TENM2: variants seen among roughly 807,000 people sequenced by gnomAD.
TENM2 encodes teneurin transmembrane protein 2.
In TENM2, 52 loss-of-function variants were observed where a neutral mutation model predicts 245.2. The ratio of observed to expected loss-of-function variants is 0.21; its 90% CI spans 0.17 to 0.27. The LOEUF is 0.27. Ranked by LOEUF, TENM2 falls within the 10% of genes least tolerant of loss-of-function variation. TENM2 has a pLI of 1.00. For synonymous variants in TENM2, 1,363 were observed against 1,438.9 expected (o/e 0.95, Z 1.19); for missense variants, 3,046 against 3,666.8 (o/e 0.83, Z 4.37).
chr5:167,158,936 T>TC, the TENM2 span, among the ~76,000 whole-genome samples: 1 of 139,206 alleles, frequency 7.2e-6, no homozygotes, highest in African/African-American at 3.0e-5. Context: ...CTCTCTCTCC[T>TC]TCTTTCTTTC....
chr5:167,107,529 T>A, the TENM2 span, among the ~76,000 whole-genome samples: 10 of 152,154 alleles, frequency 6.6e-5, no homozygotes, highest in South Asian at 4.1e-4. Context: ...ATAAAATGGC[T>A]TTACAAAAAA....
chr5:167,562,426 T>G (rs1323988160), intron 2 of TENM2, among the ~76,000 whole-genome samples: 1 of 151,504 alleles, frequency 6.6e-6, no homozygotes, highest in African/African-American at 2.4e-5. Context: ...AGGAGGAAAA[T>G]GGATGGTTTC....
intron 4 of TENM2, among the ~76,000 whole-genome samples, chr5:167,967,793 T>A (rs1184007471): frequency 6.6e-6 from 1 of 152,152 alleles, no homozygotes; most frequent in Admixed American, 6.5e-5. Flanking sequence ...GCCAAATATT[T>A]CCATCTCTGT....
At chr5:167,554,922 T>C (rs1018412873) in intron 2 of TENM2, among the ~76,000 whole-genome samples, 21 of 152,038 alleles carry the variant, frequency 1.4e-4, no homozygotes, top group African/African-American at 4.8e-4. Context: ...GACAGATGCT[T>C]GGGGGGAGTG....
At chr5:168,223,348 T>G (rs927725314) in intron 23 of TENM2, among the ~76,000 whole-genome samples, 12 of 152,218 alleles carry the variant, frequency 7.9e-5, no homozygotes, top group African/African-American at 2.9e-4. Context: ...AGAAACTGTC[T>G]GTTACTGAGT....
the TENM2 span, among the ~76,000 whole-genome samples, chr5:166,983,995 C>A: frequency 6.6e-6 from 1 of 152,064 alleles, no homozygotes; most frequent in Admixed American, 6.6e-5. Context: ...AAGTATAGAA[C>A]CCAGCTTTCA....
intron 2 of TENM2, among the ~76,000 whole-genome samples, chr5:167,809,911 T>A (rs1766506890): frequency 6.6e-6 from 1 of 152,192 alleles, no homozygotes; most frequent in South Asian, 2.1e-4. Context: ...ACTAACAGCA[T>A]CTTGGTGCGC....
intron 5 of TENM2, among the ~76,000 whole-genome samples, chr5:168,003,477 C>T (rs1562039003): frequency 6.6e-6 from 1 of 152,014 alleles, no homozygotes; most frequent in Non-Finnish European, 1.5e-5. Flanking sequence ...TAATTAGAAG[C>T]ATTAACTAGC....
At chr5:167,615,609 G>A (rs922322913) in intron 2 of TENM2, among the ~76,000 whole-genome samples, 7 of 151,978 alleles carry the variant, frequency 4.6e-5, no homozygotes, top group South Asian at 2.1e-4. Context: ...ATTCAGAGGG[G>A]GACTTAGACC....
chr5:167,350,891 G>GGATATATATATGGGATA, intron 1 of TENM2, among the ~76,000 whole-genome samples: 1 of 29,612 alleles, frequency 3.4e-5, no homozygotes, highest in African/African-American at 9.7e-5. Context: ...TATATGGGAT[G>GGATATATATATGGGATA]TATACATATG....
At chr5:168,211,371 C>T (rs1385897158) in intron 19 of TENM2, among the ~76,000 whole-genome samples, 1 of 152,270 alleles carries the variant, frequency 6.6e-6, no homozygotes, top group East Asian at 1.9e-4. Context: ...CCTTCTACCA[C>T]CACACTCCCA....
chr5:167,858,048 A>T (rs1456270972), intron 2 of TENM2, among the ~76,000 whole-genome samples: 1 of 152,222 alleles, frequency 6.6e-6, no homozygotes, highest in Non-Finnish European at 1.5e-5. Flanking sequence ...GCTTTCTTTG[A>T]CTTCATCTAG....
At chr5:167,717,251 C>T (rs921646711) in intron 2 of TENM2, among the ~76,000 whole-genome samples, 1 of 152,122 alleles carries the variant, frequency 6.6e-6, no homozygotes, top group East Asian at 1.9e-4. Context: ...CTACCATGCC[C>T]GGCCAACTTT....
chr5:167,302,012 C>T (rs186409027), intron 1 of TENM2, among the ~76,000 whole-genome samples: 1 of 152,100 alleles, frequency 6.6e-6, no homozygotes, highest in African/African-American at 2.4e-5. Flanking sequence ...ATTAGAAAGA[C>T]TCACGACGCT....
intron 5 of TENM2, among the ~76,000 whole-genome samples, chr5:168,023,667 G>A (rs1052293852): frequency 1.3e-5 from 2 of 152,222 alleles, no homozygotes; most frequent in African/African-American, 4.8e-5. Flanking sequence ...CAGATCCAGA[G>A]CCATCAGACA....
chr5:167,448,374 GA>G (rs1378675966), intron 2 of TENM2, among the ~76,000 whole-genome samples: 1 of 151,952 alleles, frequency 6.6e-6, no homozygotes, highest in East Asian at 1.9e-4. Context: ...ATACTGGTTG[GA>G]AAATAAGCAA....
intron 12 of TENM2, among the ~76,000 whole-genome samples, chr5:168,135,216 A>T (rs1754942782): frequency 6.6e-6 from 1 of 152,134 alleles, no homozygotes; most frequent in Non-Finnish European, 1.5e-5. Context: ...TTGGAGCATG[A>T]CCCATGTGTA....
intron 3 of TENM2, among the ~76,000 whole-genome samples, chr5:167,903,685 AG>A (rs1242169044): frequency 1.3e-5 from 2 of 152,240 alleles, no homozygotes; most frequent in African/African-American, 4.8e-5. Flanking sequence ...GGAGTTTGAA[AG>A]GAGACAGAAT....
chr5:167,684,599 A>G (rs572338347), intron 2 of TENM2, among the ~76,000 whole-genome samples: 9 of 152,328 alleles, frequency 5.9e-5, no homozygotes, highest in Non-Finnish European at 1.0e-4. Context: ...ACAAAGAGAT[A>G]ATTTAGTTAA....
Sources: allele counts gnomAD v4.1 joint callset (sites outside exome capture counted in the v4.1 genomes callset), GRCh38; gene constraint gnomAD v4.1.1; transcripts MANE v1.5; gene names NCBI Gene and HGNC (gene_info 2026-07-23, HGNC 2026-07-21).